NCKAP5: variants seen among roughly 807,000 people sequenced by gnomAD.
The protein encoded by NCKAP5 is nck-associated protein 5.
NCKAP5 carries 92 observed loss-of-function variants against 167.0 expected under a neutral mutation model. That is an observed-to-expected ratio of 0.55 (90% confidence interval 0.47 to 0.66). The LOEUF is 0.66. Ranked by LOEUF, NCKAP5 falls within the 30% of genes least tolerant of loss-of-function variation. The pLI is 0.00. For missense variants in NCKAP5, 2,378 were observed against 2,315.0 expected, an observed-to-expected ratio of 1.03 and a Z score of -0.56; for synonymous variants, 891 against 877.4, an observed-to-expected ratio of 1.02 and a Z score of -0.27.
chr2:133,055,209 C>T (rs896371755), intron 6 of NCKAP5, among the ~76,000 whole-genome samples: 3 of 151,700 alleles, frequency 2.0e-5, no homozygotes, highest in South Asian at 2.1e-4. Context: ...GAACTGTAGT[C>T]CAATCAGCCA....
intron 12 of NCKAP5, among the ~76,000 whole-genome samples, chr2:132,792,701 T>A (rs1684167448): frequency 6.6e-6 from 1 of 152,232 alleles, no homozygotes; most frequent in Non-Finnish European, 1.5e-5. Flanking sequence ...GCACTCTGCC[T>A]GGCTATTGGT....
At chr2:133,387,443 G>A (rs1206676113) in intron 3 of NCKAP5, among the ~76,000 whole-genome samples, 1 of 152,190 alleles carries the variant, frequency 6.6e-6, no homozygotes, top group Non-Finnish European at 1.5e-5. Context: ...TTCCCTTTGT[G>A]GGTAACCCGA....
At chr2:133,186,346 A>G (rs1029247966) in intron 5 of NCKAP5, among the ~76,000 whole-genome samples, 2 of 152,078 alleles carry the variant, frequency 1.3e-5, no homozygotes, top group Admixed American at 6.6e-5. Context: ...GTGCAGCTGA[A>G]TTTGGTTTGT....
chr2:132,696,606 G>A (rs1030053504), intron 19 of NCKAP5, among the ~76,000 whole-genome samples: 3 of 152,158 alleles, frequency 2.0e-5, no homozygotes, highest in African/African-American at 7.2e-5. Flanking sequence ...TCTGATTCCA[G>A]AGCCTGTAGT....
chr2:133,303,262 A>G (rs1680531869), intron 3 of NCKAP5, among the ~76,000 whole-genome samples, 152 bp from the exon 4 acceptor site: 1 of 152,170 alleles, frequency 6.6e-6, no homozygotes, highest in Non-Finnish European at 1.5e-5. Context: ...ACTTGCAATC[A>G]TATGTAAATA....
At position 132,962,515 on chromosome 2, in the gene NCKAP5, A is replaced by G. The variant is rs1195448285; in HGVS notation, c.579+1205T>C. Among the ~76,000 whole-genome samples, 6 of 152,348 alleles carry G rather than the reference A, an allele frequency of 3.9e-5. No individual in the cohort carries two copies. The East Asian group carries it at 1.2e-3, about 29-fold the overall frequency. ...TTAGTGTAAAATGGATATGCTCATT[A>G]TAGACAATGTGGTAGATCTGAGGTA... is the stretch of plus-strand genomic sequence containing the variant. On this transcript the variant is annotated intron_variant, in intron 8 of 19. Coordinates refer to ENST00000409261, the MANE Select transcript of NCKAP5 (RefSeq NM_207363.3).
chr2:133,209,865 T>C (rs2086127523), intron 5 of NCKAP5, among the ~76,000 whole-genome samples: 1 of 152,056 alleles, frequency 6.6e-6, no homozygotes, highest in South Asian at 2.1e-4. Flanking sequence ...TAAAAGCTTA[T>C]TAAAAAATAA....
the NCKAP5 span, among the ~76,000 whole-genome samples, chr2:133,613,334 G>C: frequency 6.6e-5 from 10 of 152,118 alleles, no homozygotes; most frequent in Non-Finnish European, 1.5e-4. Context: ...AATGTCCACT[G>C]TTATAATTAT....
intron 3 of NCKAP5, among the ~76,000 whole-genome samples, chr2:133,370,789 C>T (rs1261894130): frequency 3.3e-5 from 5 of 150,888 alleles, no homozygotes; most frequent in South Asian, 2.1e-4. Flanking sequence ...TTTTTTTCCC[C>T]CAAATATATC....
chr2:133,326,653 T>C (rs1287334239), intron 3 of NCKAP5, among the ~76,000 whole-genome samples: 2 of 152,002 alleles, frequency 1.3e-5, no homozygotes, highest in Non-Finnish European at 2.9e-5. Context: ...GTTATTAATA[T>C]AAAGACTCCT....
intron 6 of NCKAP5, among the ~76,000 whole-genome samples, chr2:133,012,944 C>T (rs1288335095): frequency 2.6e-5 from 4 of 152,172 alleles, no homozygotes; most frequent in African/African-American, 9.7e-5. Flanking sequence ...CCATATCTCA[C>T]ACAGGCTCTC....
the NCKAP5 span, among the ~76,000 whole-genome samples, chr2:133,659,412 C>G: frequency 6.6e-6 from 1 of 152,094 alleles, no homozygotes; most frequent in African/African-American, 2.4e-5. Context: ...AAGAGTATAT[C>G]TTAATGACCT....
chr2:132,907,318 C>T (rs1054780296), intron 8 of NCKAP5, among the ~76,000 whole-genome samples: 1 of 152,126 alleles, frequency 6.6e-6, no homozygotes, highest in African/African-American at 2.4e-5. Flanking sequence ...GGTAAAATAC[C>T]TTGAGGACAC....
intron 8 of NCKAP5, among the ~76,000 whole-genome samples, chr2:132,887,199 T>C (rs1692297320): frequency 6.6e-6 from 1 of 152,202 alleles, no homozygotes; most frequent in Non-Finnish European, 1.5e-5. Flanking sequence ...CTCCTCTTAG[T>C]ATCTATTGGT....
chr2:132,856,567 T>C (rs1409897399), intron 11 of NCKAP5, among the ~76,000 whole-genome samples: 1 of 152,042 alleles, frequency 6.6e-6, no homozygotes, highest in Non-Finnish European at 1.5e-5. Flanking sequence ...TTTTGAAATA[T>C]CAGATGAAAA....
chr2:133,112,333 G>T (rs2081943510), intron 6 of NCKAP5, among the ~76,000 whole-genome samples: 2 of 152,112 alleles, frequency 1.3e-5, no homozygotes, highest in Non-Finnish European at 1.5e-5. Context: ...AATTAGCCGG[G>T]TACGGCAGCA....
At chr2:133,072,686 C>T (rs112448664) in intron 6 of NCKAP5, among the ~76,000 whole-genome samples, 4,714 of 152,208 alleles carry the variant, frequency 0.031, 245 homozygotes, top group African/African-American at 0.11. Context: ...AAATGAGATA[C>T]GATACCACAT....
At chr2:133,537,209 G>A (rs1424655907) in intron 2 of NCKAP5, among the ~76,000 whole-genome samples, 1 of 152,062 alleles carries the variant, frequency 6.6e-6, no homozygotes, top group Non-Finnish European at 1.5e-5. Context: ...TAGATTTATA[G>A]TAGGTTTGAA....
At chr2:133,271,463 C>CA (rs145947352) in intron 4 of NCKAP5, among the ~76,000 whole-genome samples, 2 of 151,762 alleles carry the variant, frequency 1.3e-5, no homozygotes, top group African/African-American at 4.8e-5. Context: ...TATATTTTTG[C>CA]AAAAAAACAT....
Sources: allele counts gnomAD v4.1 joint callset (sites outside exome capture counted in the v4.1 genomes callset), GRCh38; gene constraint gnomAD v4.1.1; transcripts MANE v1.5; gene names NCBI Gene and HGNC (gene_info 2026-07-23, HGNC 2026-07-21).